The following NOL4 variants were observed in gnomAD, a reference collection of about 807,000 sequenced individuals.
The protein encoded by NOL4 is cancer/testis antigen 125.
Under a neutral mutation model 75.9 loss-of-function variants are expected in NOL4, and 17 were observed. The observed-to-expected ratio is 0.22, with a 90% CI of 0.15 to 0.34. The LOEUF (loss-of-function observed/expected upper bound fraction) is 0.34. Among genes scored for constraint, NOL4 ranks in the 10% least tolerant of loss-of-function variants. The probability of loss-of-function intolerance (pLI) is 1.00; values close to 1 mark genes in which losing one functional copy is unlikely to be tolerated. For synonymous variants in NOL4, 292 were observed against 289.9 expected (o/e 1.01, Z -0.07); for missense variants, 614 against 793.5 (o/e 0.77, Z 2.72).
rs2031110176 is a variant in NOL4, at chr18:34,159,583, C to A, written c.265-29563G>T. On this transcript the variant is annotated intron_variant, in intron 1 of 10. Coordinates refer to ENST00000261592, the MANE Select transcript of NOL4 (RefSeq NM_003787.5). ...GTGACCTTCCAAGAGCTTGAGAGTC[C>A]CCTAGAGAGCAGGCCCCACCCCAAT... 2.0e-5 allele frequency among the ~76,000 whole-genome samples: 3 copies of A among 152,022 alleles called. No homozygotes were observed. In the South Asian group the frequency reaches 6.2e-4, roughly 32 times the overall value.
intron 5 of NOL4, among the ~76,000 whole-genome samples, chr18:34,090,917 T>C (rs1370839327): frequency 6.6e-6 from 1 of 151,960 alleles, no homozygotes; most frequent in African/African-American, 2.4e-5. Flanking sequence ...AGAGGTGCAA[T>C]GGGATATGAC....
At chr18:34,005,069 TTTA>T (rs1385761408) in intron 6 of NOL4, among the ~76,000 whole-genome samples, 2 of 152,084 alleles carry the variant, frequency 1.3e-5, no homozygotes, top group Non-Finnish European at 2.9e-5. Flanking sequence ...TATCTTATAT[TTTA>T]TTGTTTTAAT....
intron 6 of NOL4, among the ~76,000 whole-genome samples, chr18:33,998,403 T>C (rs1448728026): frequency 6.6e-6 from 1 of 152,030 alleles, no homozygotes; most frequent in East Asian, 1.9e-4. Context: ...TTTTTCTCCA[T>C]GAATGCTCCC....
At chr18:33,990,967 A>C (rs1438846846) in intron 6 of NOL4, among the ~76,000 whole-genome samples, 1 of 151,908 alleles carries the variant, frequency 6.6e-6, no homozygotes, top group Non-Finnish European at 1.5e-5. Flanking sequence ...TATCTAATTA[A>C]AACTTACTCT....
intron 5 of NOL4, among the ~76,000 whole-genome samples, chr18:34,031,871 A>T (rs1363336796): frequency 1.3e-5 from 2 of 152,180 alleles, no homozygotes; most frequent in African/African-American, 4.8e-5. Context: ...TCCTGAAACC[A>T]ACAAAGGGAG....
chr18:33,881,994 C>T (rs1209378003), intron 10 of NOL4, among the ~76,000 whole-genome samples: 2 of 152,184 alleles, frequency 1.3e-5, no homozygotes, highest in Admixed American at 1.3e-4. Flanking sequence ...GGAAAACTGG[C>T]TAGCCATATG....
intron 1 of NOL4, chr18:34,220,883 T>C (rs1315365007): frequency 6.6e-6 from 1 of 152,128 alleles, no homozygotes; most frequent in Non-Finnish European, 1.5e-5. Flanking sequence ...TTTAATATTA[T>C]CCCTGAAGTT....
intron 4 of NOL4, among the ~76,000 whole-genome samples, chr18:34,103,210 G>A (rs1395195065): frequency 6.6e-6 from 1 of 152,038 alleles, no homozygotes; most frequent in African/African-American, 2.4e-5. Context: ...TTATTAGCCT[G>A]AGGACCTGAA....
intron 10 of NOL4, among the ~76,000 whole-genome samples, chr18:33,855,657 TAA>T (rs1176651803): frequency 6.6e-6 from 1 of 152,082 alleles, no homozygotes; most frequent in Non-Finnish European, 1.5e-5. Context: ...TCTGAAAATA[TAA>T]GAGACAAAAG....
intron 5 of NOL4, among the ~76,000 whole-genome samples, chr18:34,082,965 A>C (rs920291934): frequency 1.3e-5 from 2 of 152,332 alleles, no homozygotes; most frequent in Non-Finnish European, 1.5e-5. Context: ...TGCCAAAGAC[A>C]TAACAATGCA....
chr18:34,104,193 T>C (rs771686922), intron 3 of NOL4, 34 bp from the exon 4 acceptor site: 3 of 1,168,438 alleles, frequency 2.6e-6, no homozygotes, highest in South Asian at 2.4e-5. Flanking sequence ...GTAATGAAAG[T>C]AATACTGCAT....
intron 9 of NOL4, among the ~76,000 whole-genome samples, chr18:33,930,261 A>G (rs1174390893): frequency 6.6e-6 from 1 of 152,128 alleles, no homozygotes. Flanking sequence ...GTTTATAAAA[A>G]TATAATGGAA....
intron 10 of NOL4, among the ~76,000 whole-genome samples, chr18:33,881,858 T>C (rs1378060041): frequency 2.0e-5 from 3 of 151,850 alleles, no homozygotes; most frequent in Admixed American, 6.6e-5. Context: ...AAAACAGAGA[T>C]ATAGATCAAT....
intron 1 of NOL4, among the ~76,000 whole-genome samples, chr18:34,164,915 A>T (rs1170000948): frequency 6.6e-6 from 1 of 152,156 alleles, no homozygotes; most frequent in East Asian, 1.9e-4. Context: ...GCAGCCATAA[A>T]AAATGATGAG....
intron 5 of NOL4, among the ~76,000 whole-genome samples, chr18:34,071,857 C>T (rs935290399): frequency 7.9e-5 from 12 of 152,036 alleles, no homozygotes; most frequent in South Asian, 2.1e-4. Context: ...ATGTATATTA[C>T]GCACATAATG....
chr18:33,928,884 C>G (rs1456707935), intron 9 of NOL4, among the ~76,000 whole-genome samples: 1 of 151,538 alleles, frequency 6.6e-6, no homozygotes, highest in Admixed American at 6.6e-5. Flanking sequence ...ATTCCCAAAT[C>G]ACTCATGTTT....
Position 34,130,035 on chromosome 18 carries a change from A to G in NOL4, c.265-15T>C, listed in dbSNP as rs377073483. On this transcript the variant is annotated splice_polypyrimidine_tract_variant and intron_variant, in intron 1 of 10. Transcript: ENST00000261592. ...CCTACGCCATCCTGGAAACAAAACA[A>G]CAACAACAAAAACCCATAAGATTAA... 2.0e-6 allele frequency: 3 copies of G among 1,523,130 alleles called. No individual in the cohort carries two copies. Among genetic ancestry groups the G allele is most frequent in the Non-Finnish European group, 2.6e-6 (3 of 1,136,800 alleles). The allele number at this position is 1,523,130 out of a possible 1,614,324, so 94.4% of individuals were successfully genotyped here. A position where few individuals can be genotyped will look rare whatever the true frequency, so the allele number is the denominator to read the frequency against.
intron 6 of NOL4, among the ~76,000 whole-genome samples, chr18:33,994,582 T>C (rs1403487411): frequency 6.6e-6 from 1 of 151,814 alleles, no homozygotes; most frequent in African/African-American, 2.4e-5. Context: ...TAGAAAATAC[T>C]TTTAAGTAAA....
At chr18:33,983,823 A>G (rs2072198241) in intron 6 of NOL4, among the ~76,000 whole-genome samples, 1 of 152,044 alleles carries the variant, frequency 6.6e-6, no homozygotes, top group African/African-American at 2.4e-5. Flanking sequence ...TTTTGCATTC[A>G]TGTTAGATTG....
Sources: gnomAD v4.1 joint callset for allele counts (sites outside exome capture counted in the v4.1 genomes callset) on GRCh38, gnomAD v4.1.1 for gene constraint, MANE v1.5 for transcripts, NCBI Gene and HGNC (gene_info 2026-07-23, HGNC 2026-07-21) for gene names.